The following ZNF606 variants were observed in gnomAD, a reference collection of about 807,000 sequenced individuals.
The protein encoded by ZNF606 is zinc finger protein 606.
Under a neutral mutation model 74.9 loss-of-function variants are expected in ZNF606, and 37 were observed. The ratio of observed to expected loss-of-function variants is 0.49; its 90% CI spans 0.38 to 0.65. The LOEUF is 0.65. Among genes scored for constraint, ZNF606 ranks in the 30% least tolerant of loss-of-function variants. ZNF606 has a pLI of 0.00. For synonymous variants in ZNF606, 328 were observed against 312.4 expected (o/e 1.05, Z -0.53); for missense variants, 852 against 952.9 (o/e 0.89, Z 1.39).
Position 58,001,082 on chromosome 19 carries a change from C to A in ZNF606, c.31+207G>T, listed in dbSNP as rs982684198. On this transcript the variant is annotated intron_variant, in intron 2 of 6. Transcript: ENST00000551380. ...GAAAAATCCCTTAAAACTAATGACA[C>A]CTCTCAGGAGATGACTATAAAACAT... 1.8e-4 allele frequency: 112 copies of A among 613,326 alleles called. 1 individual carries two copies. In the South Asian group the frequency reaches 2.5e-3, roughly 13 times the overall value. The allele number at this position is 613,326 out of a possible 1,614,324, so 38.0% of individuals were successfully genotyped here.
At position 58,002,524 on chromosome 19, in the gene ZNF606, C is replaced by T. The variant is rs1422104393; in HGVS notation, c.-180G>A. 3 of 431,424 alleles carry T rather than the reference C, an allele frequency of 7.0e-6. No individual in the cohort carries two copies. The highest frequency in any genetic ancestry group is 2.0e-5 in the African/African-American group (1 of 49,278). The allele number at this position is 431,424 out of a possible 1,614,324, so 26.7% of individuals were successfully genotyped here. ...GTGCGCTTGGGAGCTCCCGGCGCGG[C>T]CTCGGGGACAAAGGCCCGCGGAGCC... On this transcript the variant is annotated 5_prime_UTR_variant, in exon 1 of 7. Coordinates refer to ENST00000551380, the MANE Select transcript of ZNF606 (RefSeq NM_001348022.3).
chr19:57,989,469 CA>C (rs2073217525), intron 4 of ZNF606, among the ~76,000 whole-genome samples: 1 of 151,918 alleles, frequency 6.6e-6, no homozygotes, highest in Non-Finnish European at 1.5e-5. Flanking sequence ...TTTATCGAGA[CA>C]GAGTCTCGCT....
At position 58,002,768 on chromosome 19, in the gene ZNF606, C is replaced by A. The variant is rs200217315; in HGVS notation, c.-424G>T. 4.4e-6 allele frequency: 2 copies of A among 454,308 alleles called. No homozygotes were observed. Among genetic ancestry groups the A allele is most frequent in the African/African-American group, 4.0e-5 (2 of 49,744 alleles). 28.1% of individuals were successfully genotyped at this position (454,308 alleles called of 1,614,324 possible). ...AGCTACGGCGGCCCCACAGCCTGAG[C>A]AAAGGCCTCACCTCAGCCGCGGACA... On this transcript the variant is annotated 5_prime_UTR_variant, in exon 1 of 7. Coordinates refer to ENST00000551380, the MANE Select transcript of ZNF606 (RefSeq NM_001348022.3).
Position 57,999,915 on chromosome 19 carries a change from G to A in ZNF606, c.89-19C>T, listed in dbSNP as rs981294706. ...CACAGAGCTAGGAAACGAGAAAAAA[G>A]TCATGGAGGCAGCTCTCGCTGCCAG... On this transcript the variant is annotated intron_variant, in intron 3 of 6. Transcript: ENST00000551380. 6 of 1,611,066 alleles carry A rather than the reference G, an allele frequency of 3.7e-6. No homozygotes were observed. In the African/African-American group the frequency reaches 5.3e-5, roughly 14 times the overall value.
At chr19:58,001,255 G>C in intron 2 of ZNF606, 34 bp downstream of exon 2, 3 of 1,611,666 alleles carry the variant, frequency 1.9e-6, no homozygotes, top group Non-Finnish European at 2.5e-6. Flanking sequence ...GCTAATGATA[G>C]GGGAGGCCCA....
Position 58,002,389 on chromosome 19 carries a change from GC to G in ZNF606, c.-52+6del, listed in dbSNP as rs1385875247. ...CGCGACGCTGCAAAAGCTCGTCCCG[GC>G]CTCACCTGGCTCGCGGCCGGCGGTC... On this transcript the variant is annotated splice_donor_region_variant and intron_variant, in intron 1 of 6. Transcript: ENST00000551380. 1 of 456,594 alleles carries G rather than the reference GC, an allele frequency of 2.2e-6. No homozygotes were observed. The highest frequency in any genetic ancestry group is 2.0e-5 in the African/African-American group (1 of 50,094). 28.3% of individuals were successfully genotyped at this position (456,594 alleles called of 1,614,324 possible). A position where few individuals can be genotyped will look rare whatever the true frequency, so the allele number is the denominator to read the frequency against.
intron 4 of ZNF606, among the ~76,000 whole-genome samples, chr19:57,995,567 C>G (rs927749104): frequency 6.6e-6 from 1 of 152,140 alleles, no homozygotes; most frequent in South Asian, 2.1e-4. Context: ...GTGGCTCACA[C>G]CTATAATCCC....
Position 57,978,185 on chromosome 19 carries a change from T to C in ZNF606, c.*116A>G. On this transcript the variant is annotated 3_prime_UTR_variant, in exon 7 of 7. Transcript: ENST00000551380. This position sits in a 1 kb window ranked among gnomAD's most constrained non-coding sequence, Gnocchi z 4.4. ...TTCTAAGATGATATTTTCTAGTAAA[T>C]AATGTGGGAGAAGTCTTACTGAACT... 1 of 1,042,090 alleles carries C rather than the reference T, an allele frequency of 9.6e-7. No homozygotes were observed. The highest frequency in any genetic ancestry group is 2.0e-5 in the South Asian group (1 of 49,010). 64.6% of individuals were successfully genotyped at this position (1,042,090 alleles called of 1,614,324 possible).
At chr19:57,988,810 G>A (rs2073206543) in intron 4 of ZNF606, 89 bp from the exon 5 acceptor site, 1 of 1,590,526 alleles carries the variant, frequency 6.3e-7, no homozygotes, top group African/African-American at 1.3e-5. Context: ...CCTGGGGAGA[G>A]AAGACAGGAT....
chr19:57,996,198 C>T (rs2073339712), intron 4 of ZNF606, among the ~76,000 whole-genome samples: 1 of 152,156 alleles, frequency 6.6e-6, no homozygotes, highest in African/African-American at 2.4e-5. Flanking sequence ...TCATGGAGGC[C>T]TCACCTCAAG....
At chr19:57,999,971 A>T in intron 3 of ZNF606, 75 bp from the exon 4 acceptor site, 3 of 1,318,722 alleles carry the variant, frequency 2.3e-6, no homozygotes, top group Non-Finnish European at 3.2e-6. Flanking sequence ...GGGGCTGAGA[A>T]CCAGCCCCTG....
chr19:57,985,913 G>A (rs1396381991), intron 6 of ZNF606, among the ~76,000 whole-genome samples: 8 of 150,356 alleles, frequency 5.3e-5, no homozygotes, highest in Admixed American at 2.6e-4. Flanking sequence ...CAGCCTGGGC[G>A]ACAGAGCAAG....
At chr19:57,980,759 C>T (rs1206838178) in intron 6 of ZNF606, among the ~76,000 whole-genome samples, 2 of 149,792 alleles carry the variant, frequency 1.3e-5, no homozygotes, top group African/African-American at 2.5e-5. Flanking sequence ...GGCATGAACC[C>T]GGGAGGCAGA....
upstream of ZNF606, chr19:58,003,039 A>G (rs1353357798): frequency 4.8e-6 from 2 of 419,468 alleles, no homozygotes; most frequent in African/African-American, 2.1e-5. Context: ...CACTGCAAAA[A>G]GGCCTGGGTA....
At chr19:57,995,066 C>T (rs1774488776) in intron 4 of ZNF606, among the ~76,000 whole-genome samples, 1 of 151,812 alleles carries the variant, frequency 6.6e-6, no homozygotes. Flanking sequence ...TGGCATGCAC[C>T]TGTACTCCCA....
intron 4 of ZNF606, 48 bp from the exon 5 acceptor site, chr19:57,988,769 A>C (rs764067577): frequency 6.2e-7 from 1 of 1,612,194 alleles, no homozygotes. Context: ...ACCCCCTCCA[A>C]TATTTCCAGG....
chr19:57,989,848 G>A (rs1258280614), intron 4 of ZNF606, among the ~76,000 whole-genome samples: 2 of 150,984 alleles, frequency 1.3e-5, no homozygotes, highest in African/African-American at 4.9e-5. Context: ...CTCAGGAGAT[G>A]AGACCATCCT....
At chr19:57,983,082 G>T (rs1280174474) in intron 6 of ZNF606, among the ~76,000 whole-genome samples, 3 of 152,144 alleles carry the variant, frequency 2.0e-5, no homozygotes, top group Non-Finnish European at 4.4e-5. Context: ...TTTACAAATG[G>T]AAGCTGACCA....
rs200217315 is a variant in ZNF606 at position 58,002,768 on chromosome 19, C to T, written c.-424G>A. On this transcript the variant is annotated 5_prime_UTR_variant, in exon 1 of 7. Transcript: ENST00000551380. Reference sequence around the variant, plus strand: ...AGCTACGGCGGCCCCACAGCCTGAGCAAAGGCCTCACCTCAGCCGCGGACA... The same window carrying T: ...AGCTACGGCGGCCCCACAGCCTGAGTAAAGGCCTCACCTCAGCCGCGGACA... 9,737 of 454,404 alleles carry T rather than the reference C, an allele frequency of 0.021. 164 individuals are homozygous for T. The highest frequency in any genetic ancestry group is 0.034 in the Non-Finnish European group (7,600 of 226,138). 28.1% of individuals were successfully genotyped at this position (454,404 alleles called of 1,614,324 possible).
Sources: allele counts gnomAD v4.1 joint callset (sites outside exome capture counted in the v4.1 genomes callset), GRCh38; gene constraint gnomAD v4.1.1; non-coding constraint Gnocchi (gnomAD v3.1); transcripts MANE v1.5; gene names NCBI Gene and HGNC (gene_info 2026-07-23, HGNC 2026-07-21).